The following NOL4L variants were observed in gnomAD, a reference collection of about 807,000 sequenced individuals.
The protein encoded by NOL4L is nucleolar protein 4 like, also known as nucleolar protein 4-like.
Under a neutral mutation model 64.5 loss-of-function variants are expected in NOL4L, and 7 were observed. The observed-to-expected ratio is 0.11, with a 90% CI of 0.06 to 0.20. The LOEUF (loss-of-function observed/expected upper bound fraction) is 0.20, where lower values mean the gene tolerates loss of function less well. NOL4L is among the 10% of genes least tolerant of loss of function. The pLI is 1.00. For missense variants in NOL4L, 680 were observed against 967.1 expected, an observed-to-expected ratio of 0.70 and a Z score of 3.94; for synonymous variants, 413 against 401.0, an observed-to-expected ratio of 1.03 and a Z score of -0.36.
At chr20:32,469,138 G>A (rs1335138621) in intron 5 of NOL4L, among the ~76,000 whole-genome samples, 1 of 152,116 alleles carries the variant, frequency 6.6e-6, no homozygotes, top group East Asian at 1.9e-4. Context: ...AGCGGGCTCA[G>A]GAATGGGACC....
At chr20:32,486,813 A>G (rs1005292220) in intron 4 of NOL4L, 1 of 470,112 alleles carries the variant, frequency 2.1e-6, no homozygotes, top group South Asian at 1.6e-5. Context: ...TGGAAGACAC[A>G]GCATCACTTG....
intron 4 of NOL4L, among the ~76,000 whole-genome samples, chr20:32,503,996 A>C (rs2017030006): frequency 6.6e-6 from 1 of 152,076 alleles, no homozygotes; most frequent in Non-Finnish European, 1.5e-5. Context: ...TGTGTAATGA[A>C]ATTTAACCCA....
intron 4 of NOL4L, among the ~76,000 whole-genome samples, chr20:32,487,524 G>A (rs1180627921): frequency 6.6e-6 from 1 of 152,108 alleles, no homozygotes; most frequent in Non-Finnish European, 1.5e-5. Flanking sequence ...CTGTCTTCCA[G>A]GCAGAGGGAA....
chr20:32,530,034 G>T (rs944952098), intron 1 of NOL4L, among the ~76,000 whole-genome samples: 1 of 152,114 alleles, frequency 6.6e-6, no homozygotes, highest in Non-Finnish European at 1.5e-5. Flanking sequence ...TGACTAACTT[G>T]TTCACTATTG....
At chr20:32,485,954 TAA>T (rs2016071158) in intron 4 of NOL4L, among the ~76,000 whole-genome samples, 1 of 152,198 alleles carries the variant, frequency 6.6e-6, no homozygotes, top group South Asian at 2.1e-4. Context: ...CTCTGACTAA[TAA>T]AAGAGAGCTA....
chr20:32,514,555 C>T (rs1002112417), intron 3 of NOL4L, among the ~76,000 whole-genome samples: 1 of 151,816 alleles, frequency 6.6e-6, no homozygotes, highest in Admixed American at 6.6e-5. Flanking sequence ...AAGGAACCAC[C>T]CCCTCCTCCT....
intron 1 of NOL4L, among the ~76,000 whole-genome samples, chr20:32,538,928 G>A (rs2018605879): frequency 1.3e-5 from 2 of 151,618 alleles, no homozygotes; most frequent in African/African-American, 2.4e-5. Context: ...CATGCAAACC[G>A]AGCTTCAAAT....
chr20:32,529,799 A>T (rs1009045462), intron 1 of NOL4L, among the ~76,000 whole-genome samples: 13 of 152,174 alleles, frequency 8.5e-5, no homozygotes, highest in African/African-American at 3.1e-4. Context: ...CAGATAGCAC[A>T]TATCTCTCTC....
chr20:32,544,053 T>A (rs1446092054), intron 1 of NOL4L, among the ~76,000 whole-genome samples: 2 of 151,764 alleles, frequency 1.3e-5, no homozygotes, highest in Non-Finnish European at 2.9e-5. Context: ...GAGGGACGGA[T>A]GGGGTGGCGG....
chr20:32,456,307 G>A lies in NOL4L; in HGVS notation c.930C>T (p.Phe310=). Reference sequence around the variant, plus strand: ...CGGCGCCGTTGCCATTCATCTCGGGGAAGGCAGGGTCGCCCTGCGTGCTGC... The same window carrying A: ...CGGCGCCGTTGCCATTCATCTCGGGAAAGGCAGGGTCGCCCTGCGTGCTGC... ...TSSSTQGDPA[F]PEMNGNGAVA... is the part of the protein sequence containing the mutation. The change falls in exon 6 of 11, where the codon TTC becomes TTT. Residue 310 remains phenylalanine (F), a synonymous_variant. Transcript: ENST00000621426. 1.3e-6 allele frequency: 2 copies of A among 1,579,606 alleles called. No individual in the cohort carries two copies. The highest frequency in any genetic ancestry group is 1.7e-4 in the Middle Eastern group (1 of 5,922).
Position 32,456,410 on chromosome 20 carries a change from CTGG to C in NOL4L, c.842-18_842-16del. ...GGAGGAGTCATCTGGAATGAGAGGC[CTGG>C]GTGTGAGGCCCCACCCAAGGCACTG... On this transcript the variant is annotated splice_polypyrimidine_tract_variant and intron_variant, in intron 5 of 10. Transcript: ENST00000621426. 1 of 1,453,672 alleles carries C rather than the reference CTGG, an allele frequency of 6.9e-7. No individual in the cohort carries two copies. The highest frequency in any genetic ancestry group is 1.5e-5 in the African/African-American group (1 of 68,906). The allele number at this position is 1,453,672 out of a possible 1,614,324, so 90.0% of individuals were successfully genotyped here. A position where few individuals can be genotyped will look rare whatever the true frequency, so the allele number is the denominator to read the frequency against.
At chr20:32,519,504 C>A (rs1439788498) in intron 3 of NOL4L, 2 of 152,120 alleles carry the variant, frequency 1.3e-5, no homozygotes, top group Non-Finnish European at 2.9e-5. Context: ...AGGCCCGATG[C>A]CCGGGAGCTG....
At chr20:32,461,814 CTG>C (rs2014096929) in intron 5 of NOL4L, among the ~76,000 whole-genome samples, 1 of 151,128 alleles carries the variant, frequency 6.6e-6, no homozygotes, top group Non-Finnish European at 1.5e-5. Context: ...TGCAATACTA[CTG>C]TGTTTATTGT....
chr20:32,564,987 G>C (rs1271573546), intron 1 of NOL4L: 1 of 152,416 alleles, frequency 6.6e-6, no homozygotes, highest in Non-Finnish European at 1.5e-5. Flanking sequence ...CCACCTGCCA[G>C]TATCTGCCTG....
intron 4 of NOL4L, chr20:32,510,678 G>T: frequency 6.5e-6 from 1 of 153,990 alleles, no homozygotes. Flanking sequence ...GGCAAGAAGT[G>T]ATTACCCTGG....
chr20:32,489,103 T>C (rs1423488299), intron 4 of NOL4L, among the ~76,000 whole-genome samples: 1 of 149,038 alleles, frequency 6.7e-6, no homozygotes, highest in Non-Finnish European at 1.5e-5. Context: ...CATATGGAAA[T>C]TTTACATTTT....
rs1242056892 is a variant in NOL4L at position 32,474,619 on chromosome 20, G to C, written c.823C>G (p.Leu275Val). 1 of 1,612,922 alleles carries C rather than the reference G, an allele frequency of 6.2e-7. No individual in the cohort carries two copies. Among genetic ancestry groups the C allele is most frequent in the Admixed American group, 1.7e-5 (1 of 60,006 alleles). ...CACTCACCGTCCTCTTGACTGTGGA[G>C]GTTCTGCGGGCTCCGCATCCTCTCG... is the stretch of plus-strand genomic sequence containing the variant. ...QDERMRSPQN[L>V]HSQEDDDSSS... Residue 275 changes from leucine to valine, a missense_variant, in exon 5 of 11, where the codon CTC (leucine) becomes GTC (valine). Leu to Val is a conservative substitution (Grantham distance 32, BLOSUM62 1). Coordinates refer to ENST00000621426, the MANE Select transcript of NOL4L (RefSeq NM_001256798.2).
At chr20:32,504,750 C>T (rs1356957494) in intron 4 of NOL4L, among the ~76,000 whole-genome samples, 3 of 151,914 alleles carry the variant, frequency 2.0e-5, no homozygotes, top group African/African-American at 4.8e-5. Flanking sequence ...ACTACAAGCA[C>T]GTGCCACCAT....
intron 4 of NOL4L, among the ~76,000 whole-genome samples, chr20:32,483,079 G>A (rs918146650): frequency 2.0e-4 from 29 of 148,040 alleles, no homozygotes; most frequent in Admixed American, 1.7e-3. Context: ...TGGGCGCCCC[G>A]CGGCCCCCAC....
Sources: gnomAD v4.1 joint callset for allele counts (sites outside exome capture counted in the v4.1 genomes callset) on GRCh38, gnomAD v4.1.1 for gene constraint, MANE v1.5 for transcripts, NCBI Gene and HGNC (gene_info 2026-07-23, HGNC 2026-07-21) for gene names.